The following PCDH7 variants were observed in gnomAD, a reference collection of about 807,000 sequenced individuals.
PCDH7 encodes the protein protocadherin-7.
In PCDH7, 17 loss-of-function variants were observed where a neutral mutation model predicts 58.9. The ratio of observed to expected loss-of-function variants is 0.29; its 90% CI spans 0.20 to 0.43. The LOEUF (loss-of-function observed/expected upper bound fraction) is 0.43, where lower values mean the gene tolerates loss of function less well. Ranked by LOEUF, PCDH7 falls within the 20% of genes least tolerant of loss-of-function variation. The pLI is 1.00. For missense variants in PCDH7, 1,274 were observed against 1,441.0 expected (o/e 0.88, Z 1.88); for synonymous variants, 664 against 616.4 (o/e 1.08, Z -1.14).
intron 1 of PCDH7, among the ~76,000 whole-genome samples, chr4:30,761,332 T>C (rs1719993029): frequency 6.6e-6 from 1 of 152,156 alleles, no homozygotes. Context: ...GAAAATACTC[T>C]AGAGTAGCAG....
At position 30,758,309 on chromosome 4, in the gene PCDH7, G is replaced by T. The variant is rs530356682; in HGVS notation, c.70+33713G>T. On this transcript the variant is annotated intron_variant, in intron 1 of 3. Transcript: ENST00000509759. ...CCAGCATGGTGGGAGAGGGGTTGGGGAGTATGGGAGTATTAGAAAGGAAGT... is the reference window on the plus strand; with the variant it reads ...CCAGCATGGTGGGAGAGGGGTTGGGTAGTATGGGAGTATTAGAAAGGAAGT... Among the ~76,000 whole-genome samples the T allele has an allele frequency of 5.1e-4, 78 of 152,274 alleles. 2 individuals are homozygous for T. Among genetic ancestry groups the T allele is most frequent in the Admixed American group, 4.8e-3 (74 of 15,298 alleles).
chr4:30,820,363 G>A lies in PCDH7; in HGVS notation c.70+95767G>A, dbSNP rs185374041. ...AATAGTTCTTTTTGTAACTCTCTAG[G>A]AATATGTAGGAAGTGACACATTAAA... On this transcript the variant is annotated intron_variant, in intron 1 of 3. Transcript: ENST00000509759. Among the ~76,000 whole-genome samples the A allele has an allele frequency of 3.0e-4, 46 of 152,134 alleles. No homozygotes were observed. In the East Asian group the frequency reaches 8.9e-3, roughly 29 times the overall value.
intron 1 of PCDH7, among the ~76,000 whole-genome samples, chr4:30,879,826 T>C (rs1183856866): frequency 6.6e-6 from 1 of 152,166 alleles, no homozygotes; most frequent in African/African-American, 2.4e-5. Flanking sequence ...ATTTTCTCTT[T>C]AAAGATTAAA....
Position 30,966,702 on chromosome 4 carries a change from C to A in PCDH7, c.*7+16487C>A, listed in dbSNP as rs145635047. On this transcript the variant is annotated intron_variant, in intron 3 of 3. Transcript: ENST00000509759. ...GGTTCCATATTGTCAGTTGTTGAAACAAAACAGGAGGCACTCTATGTTGAG... is the reference window on the plus strand; with the variant it reads ...GGTTCCATATTGTCAGTTGTTGAAAAAAAACAGGAGGCACTCTATGTTGAG... 2.3e-3 allele frequency among the ~76,000 whole-genome samples: 354 copies of A among 152,068 alleles called. 1 individual carries two copies. The highest frequency in any genetic ancestry group is 0.011 in the South Asian group (52 of 4,806).
intron 1 of PCDH7, among the ~76,000 whole-genome samples, chr4:30,807,814 G>A (rs1726434393): frequency 6.6e-6 from 1 of 151,990 alleles, no homozygotes; most frequent in Non-Finnish European, 1.5e-5. Context: ...TTGATAGAGA[G>A]GGCCCAGAGA....
At chr4:30,970,572 C>T (rs972415670) in intron 3 of PCDH7, among the ~76,000 whole-genome samples, 2 of 152,186 alleles carry the variant, frequency 1.3e-5, no homozygotes, top group African/African-American at 4.8e-5. Context: ...GGATTAAAGG[C>T]ATAAGCCACC....
intron 1 of PCDH7, among the ~76,000 whole-genome samples, chr4:30,831,141 T>C (rs1029261712): frequency 1.3e-5 from 2 of 152,254 alleles, no homozygotes; most frequent in East Asian, 3.9e-4. Context: ...AGCATCTCCA[T>C]CTTGTTTTCT....
At chr4:31,047,577 T>G (rs376035218) in intron 3 of PCDH7, among the ~76,000 whole-genome samples, 28 of 152,202 alleles carry the variant, frequency 1.8e-4, no homozygotes, top group East Asian at 1.7e-3. Context: ...ATTTGTATCT[T>G]AAGAGAAATA....
intron 3 of PCDH7, among the ~76,000 whole-genome samples, chr4:31,043,480 C>T (rs1458737165): frequency 6.6e-6 from 1 of 152,080 alleles, no homozygotes; most frequent in Non-Finnish European, 1.5e-5. Context: ...GCCTTTCTGA[C>T]TGGTGTGAGA....
chr4:30,772,817 GAA>G (rs1171362500), intron 1 of PCDH7, among the ~76,000 whole-genome samples: 1 of 152,188 alleles, frequency 6.6e-6, no homozygotes, highest in African/African-American at 2.4e-5. Flanking sequence ...TAAGTTTTTA[GAA>G]AGTGTTTTTA....
chr4:30,750,782 C>T (rs538157349), intron 1 of PCDH7, among the ~76,000 whole-genome samples: 8 of 151,796 alleles, frequency 5.3e-5, no homozygotes, highest in East Asian at 1.9e-4. Context: ...GTGCCCACCC[C>T]GAAGCAGCTT....
chr4:30,797,544 G>T (rs763291721), intron 1 of PCDH7, among the ~76,000 whole-genome samples: 1 of 152,172 alleles, frequency 6.6e-6, no homozygotes, highest in Non-Finnish European at 1.5e-5. Context: ...AAAGTGCTGG[G>T]ATGACAGGCT....
intron 1 of PCDH7, among the ~76,000 whole-genome samples, chr4:30,820,194 G>A (rs1338107464): frequency 6.6e-6 from 1 of 152,054 alleles, no homozygotes; most frequent in African/African-American, 2.4e-5. Flanking sequence ...CAGGCCCAAA[G>A]TTGCAAAATA....
intron 1 of PCDH7, among the ~76,000 whole-genome samples, chr4:30,878,427 C>T (rs1034836197): frequency 2.0e-5 from 3 of 151,994 alleles, no homozygotes; most frequent in African/African-American, 7.2e-5. Flanking sequence ...AGTTCTTGTA[C>T]TAGGAGGGAG....
intron 3 of PCDH7, among the ~76,000 whole-genome samples, chr4:31,126,825 A>G (rs1277310402): frequency 1.3e-5 from 2 of 152,322 alleles, no homozygotes; most frequent in East Asian, 1.9e-4. Flanking sequence ...GATGATTTCT[A>G]TTGCTAACAA....
intron 3 of PCDH7, among the ~76,000 whole-genome samples, chr4:30,999,090 G>T (rs1250320525): frequency 6.6e-6 from 1 of 152,072 alleles, no homozygotes; most frequent in Non-Finnish European, 1.5e-5. Flanking sequence ...GGACTTAGGG[G>T]TCAGAGGACC....
At chr4:31,075,656 G>A (rs1758921212) in intron 3 of PCDH7, among the ~76,000 whole-genome samples, 1 of 152,134 alleles carries the variant, frequency 6.6e-6, no homozygotes. Context: ...AATGCTAACT[G>A]TGTCATCATA....
At chr4:31,030,733 A>G (rs527249370) in intron 3 of PCDH7, among the ~76,000 whole-genome samples, 36 of 151,970 alleles carry the variant, frequency 2.4e-4, no homozygotes, top group African/African-American at 8.4e-4. Flanking sequence ...AACAACAATG[A>G]CTTACTCTCC....
chr4:30,780,445 TG>T (rs1228799569), intron 1 of PCDH7, among the ~76,000 whole-genome samples: 2 of 150,796 alleles, frequency 1.3e-5, no homozygotes, highest in African/African-American at 4.9e-5. Context: ...AGACAGAAGT[TG>T]CAGTTAGCTG....
Sources: gnomAD v4.1 joint callset for allele counts (sites outside exome capture counted in the v4.1 genomes callset) on GRCh38, gnomAD v4.1.1 for gene constraint, MANE v1.5 for transcripts, NCBI Gene and HGNC (gene_info 2026-07-23, HGNC 2026-07-21) for gene names.